NT5C1A: variants seen among roughly 807,000 people sequenced by gnomAD.
NT5C1A encodes 5'-nucleotidase, cytosolic IA.
In NT5C1A, 18 loss-of-function variants were observed where a neutral mutation model predicts 31.0. The ratio of observed to expected loss-of-function variants is 0.58; its 90% CI spans 0.40 to 0.86. NT5C1A has a LOEUF of 0.86. Among genes scored for constraint, NT5C1A ranks in the 40% least tolerant of loss-of-function variants. The probability of loss-of-function intolerance (pLI) is 0.00; values close to 1 mark genes in which losing one functional copy is unlikely to be tolerated. For missense variants in NT5C1A, 470 were observed against 505.4 expected, an observed-to-expected ratio of 0.93 and a Z score of 0.67; for synonymous variants, 185 against 203.6, an observed-to-expected ratio of 0.91 and a Z score of 0.78.
chr1:39,672,073 G>GTA lies in NT5C1A; in HGVS notation c.-36_-35insTA. On this transcript the variant is annotated 5_prime_UTR_variant, in exon 1 of 6. Transcript: ENST00000235628. ...CTGACCCGGCCCGGCCAGAGCAGGC[G>GTA]GCGGCGTAGACGCGGAGGTGGCTGG... 6.5e-7 allele frequency: 1 copy of GTA among 1,530,484 alleles called. No individual in the cohort carries two copies. The highest frequency in any genetic ancestry group is 1.2e-5 in the South Asian group (1 of 81,932). The allele number at this position is 1,530,484 out of a possible 1,614,324, so 94.8% of individuals were successfully genotyped here. A position where few individuals can be genotyped will look rare whatever the true frequency, so the allele number is the denominator to read the frequency against.
At chr1:39,659,509 T>A in intron 5 of NT5C1A, 23 bp from the exon 6 acceptor site, 1 of 1,532,068 alleles carries the variant, frequency 6.5e-7, no homozygotes, top group Non-Finnish European at 8.8e-7. Flanking sequence ...AAGGGGAACA[T>A]TGTTAGCTCT....
At chr1:39,662,164 CA>C (rs1361450277) in intron 4 of NT5C1A, among the ~76,000 whole-genome samples, 2 of 152,338 alleles carry the variant, frequency 1.3e-5, no homozygotes, top group East Asian at 1.9e-4. Context: ...CACTTCAGCC[CA>C]ACTCTTTGAA....
intron 1 of NT5C1A, among the ~76,000 whole-genome samples, chr1:39,669,272 A>C (rs1020720511): frequency 1.3e-4 from 20 of 151,782 alleles, no homozygotes; most frequent in African/African-American, 4.8e-4. Flanking sequence ...CTTCCTGAGG[A>C]GCTCCCATTT....
chr1:39,665,978 C>A (rs1265660640), intron 2 of NT5C1A, 91 bp downstream of exon 2: 20 of 1,223,990 alleles, frequency 1.6e-5, no homozygotes, highest in Non-Finnish European at 2.2e-5. Flanking sequence ...CCCAGAGGGG[C>A]CCTTTCACCT....
intron 2 of NT5C1A, 95 bp downstream of exon 2, chr1:39,665,974 G>A (rs1646519398): frequency 8.4e-7 from 1 of 1,186,922 alleles, no homozygotes; most frequent in Non-Finnish European, 1.2e-6. Context: ...TCTGCCCAGA[G>A]GGGCCCTTTC....
rs891563975 is a variant in NT5C1A, at chr1:39,665,666, C to T, written c.304-16G>A. On this transcript the variant is annotated splice_polypyrimidine_tract_variant and intron_variant, in intron 2 of 5. Transcript: ENST00000235628. ...CCTCCAGAGCCTGGAAAGGAGAGGG[C>T]ACCCCCCAGCTTAGACCCCCAAGGA... 1 of 1,611,520 alleles carries T rather than the reference C, an allele frequency of 6.2e-7. No individual in the cohort carries two copies. Among genetic ancestry groups the T allele is most frequent in the Non-Finnish European group, 8.5e-7 (1 of 1,179,210 alleles).
At position 39,665,186 on chromosome 1, in the gene NT5C1A, C is replaced by T. The variant is rs529268321; in HGVS notation, c.433+335G>A. Among the ~76,000 whole-genome samples the T allele has an allele frequency of 5.3e-3, 812 of 152,332 alleles. 5 individuals are homozygous for T. Among genetic ancestry groups the T allele is most frequent in the Non-Finnish European group, 8.2e-3 (555 of 68,034 alleles). ...ACTGAGGCAGGGAGGCAGTAACTGT[C>T]TCACCTAATCACACGGAGAGTGGGG... On this transcript the variant is annotated intron_variant, in intron 3 of 5. Coordinates refer to ENST00000235628, the MANE Select transcript of NT5C1A (RefSeq NM_032526.3).
chr1:39,664,501 CT>C (rs1168544371), intron 3 of NT5C1A, among the ~76,000 whole-genome samples: 1 of 77,106 alleles, frequency 1.3e-5, no homozygotes, highest in Non-Finnish European at 2.5e-5. Flanking sequence ...CTCCTCTCCT[CT>C]CCTCTCCTCT....
chr1:39,665,781 C>A, intron 2 of NT5C1A, 131 bp from the exon 3 acceptor site: 3 of 948,524 alleles, frequency 3.2e-6, no homozygotes, highest in Non-Finnish European at 3.2e-6. Context: ...ACTACCTTCT[C>A]CTAATGCAAG....
intron 1 of NT5C1A, among the ~76,000 whole-genome samples, chr1:39,671,451 G>A (rs1646551213): frequency 1.3e-5 from 2 of 152,220 alleles, no homozygotes; most frequent in Non-Finnish European, 2.9e-5. Context: ...AGGACCCAGA[G>A]CCAGACCCCA....
At chr1:39,670,870 C>CT (rs36025518) in intron 1 of NT5C1A, among the ~76,000 whole-genome samples, 10,706 of 56,082 alleles carry the variant, frequency 0.19, 496 homozygotes, top group Middle Eastern at 0.38. Flanking sequence ...CTACTCTACT[C>CT]CCCCCCCAAC....
At chr1:39,667,030 C>T (rs1646527335) in intron 1 of NT5C1A, among the ~76,000 whole-genome samples, 1 of 152,088 alleles carries the variant, frequency 6.6e-6, no homozygotes, top group Admixed American at 6.5e-5. Flanking sequence ...GACCACAGCC[C>T]CCCTCTTTAG....
In NT5C1A at chr1:39,662,159, C is replaced by T. The variant is rs145819693; in HGVS notation, c.557-896G>A. 5.8e-3 allele frequency among the ~76,000 whole-genome samples: 878 copies of T among 152,366 alleles called. 10 individuals carry two copies. The highest frequency in any genetic ancestry group is 0.02 in the African/African-American group (845 of 41,582). ...GTCTCCATCTCTTCAAAGACCACTTCAGCCCAACTCTTTGAAAACTGAGGA... is the reference window on the plus strand; with the variant it reads ...GTCTCCATCTCTTCAAAGACCACTTTAGCCCAACTCTTTGAAAACTGAGGA... On this transcript the variant is annotated intron_variant, in intron 4 of 5. Transcript: ENST00000235628.
intron 4 of NT5C1A, among the ~76,000 whole-genome samples, chr1:39,661,731 C>A (rs1334567317): frequency 6.6e-6 from 1 of 152,194 alleles, no homozygotes; most frequent in African/African-American, 2.4e-5. Flanking sequence ...GGGAAGGAGC[C>A]CCAACTCTGG....
intron 5 of NT5C1A, 105 bp downstream of exon 5, chr1:39,660,974 G>T (rs1471442851): frequency 4.6e-6 from 3 of 651,044 alleles, no homozygotes; most frequent in Non-Finnish European, 8.3e-6. Context: ...CTGGAATCTG[G>T]GCTGAGCCTG....
In NT5C1A at chr1:39,659,059, G is replaced by A. The variant is rs1646476706; in HGVS notation, c.*62C>T. 2 of 1,511,772 alleles carry A rather than the reference G, an allele frequency of 1.3e-6. No individual in the cohort carries two copies. Among genetic ancestry groups the A allele is most frequent in the Non-Finnish European group, 1.8e-6 (2 of 1,135,232 alleles). 93.6% of individuals were successfully genotyped at this position (1,511,772 alleles called of 1,614,324 possible). A position where few individuals can be genotyped will look rare whatever the true frequency, so the allele number is the denominator to read the frequency against. The stretch of plus-strand genomic sequence containing the variant: ...TGAGAAACTAGAGGGATCTACCAGA[G>A]GAGGTGTCGAAGTATGTCAGGGAGC... On this transcript the variant is annotated 3_prime_UTR_variant, in exon 6 of 6. Coordinates refer to ENST00000235628, the MANE Select transcript of NT5C1A (RefSeq NM_032526.3).
At chr1:39,666,673 A>C (rs1445417712) in intron 1 of NT5C1A, among the ~76,000 whole-genome samples, 1 of 152,148 alleles carries the variant, frequency 6.6e-6, no homozygotes, top group Non-Finnish European at 1.5e-5. Flanking sequence ...TCTGCAACCC[A>C]GATCTGTCTC....
chr1:39,664,489 T>TCCTCCCCTCCTCTCC (rs1553485412), intron 3 of NT5C1A, among the ~76,000 whole-genome samples: 2 of 1,096 alleles, frequency 1.8e-3, no homozygotes, highest in Non-Finnish European at 3.3e-3. Flanking sequence ...AGTGGATTTC[T>TCCTCCCCTCCTCTCC]CCTCCTCTCC....
chr1:39,663,491 A>G (rs1179711008), intron 3 of NT5C1A, 57 bp from the exon 4 acceptor site: 1 of 1,592,582 alleles, frequency 6.3e-7, no homozygotes, highest in Admixed American at 1.7e-5. Flanking sequence ...GCTTCAGGGC[A>G]GTCTCTCTGT....
Sources: allele counts gnomAD v4.1 joint callset (sites outside exome capture counted in the v4.1 genomes callset), GRCh38; gene constraint gnomAD v4.1.1; transcripts MANE v1.5; gene names NCBI Gene and HGNC (gene_info 2026-07-23, HGNC 2026-07-21).